SYNCRIP: variants seen among roughly 807,000 people sequenced by gnomAD.
SYNCRIP encodes synaptotagmin binding cytoplasmic RNA interacting protein.
A neutral mutation model predicts 68.9 loss-of-function variants in SYNCRIP; 9 were observed. That is an observed-to-expected ratio of 0.13 (90% confidence interval 0.08 to 0.23). SYNCRIP has a LOEUF of 0.23. Ranked by LOEUF, SYNCRIP falls within the 10% of genes least tolerant of loss-of-function variation. The pLI is 1.00. For synonymous variants in SYNCRIP, 258 were observed against 254.0 expected, an observed-to-expected ratio of 1.02 and a Z score of -0.15; for missense variants, 414 against 770.6, an observed-to-expected ratio of 0.54 and a Z score of 5.48.
At chr6:85,634,121 A>G (rs1317558653) in intron 6 of SYNCRIP, among the ~76,000 whole-genome samples, 1 of 152,180 alleles carries the variant, frequency 6.6e-6, no homozygotes, top group Non-Finnish European at 1.5e-5. Flanking sequence ...ATATTTAAAA[A>G]CTATATTAAT....
At chr6:85,622,152 TC>T (rs1237842826) in intron 8 of SYNCRIP, among the ~76,000 whole-genome samples, 1 of 151,952 alleles carries the variant, frequency 6.6e-6, no homozygotes, top group Non-Finnish European at 1.5e-5. Context: ...GGTAGGTGGA[TC>T]CCGAGGTCAG....
chr6:85,621,149 T>A (rs1172417786), intron 8 of SYNCRIP, among the ~76,000 whole-genome samples: 2 of 152,210 alleles, frequency 1.3e-5, no homozygotes, highest in East Asian at 3.8e-4. Flanking sequence ...GCTAACCCAA[T>A]GAGAATTTAT....
At chr6:85,634,385 C>T (rs531521828) in intron 6 of SYNCRIP, among the ~76,000 whole-genome samples, 12 of 152,068 alleles carry the variant, frequency 7.9e-5, no homozygotes, top group Non-Finnish European at 1.3e-4. Context: ...AGGTAACCTA[C>T]GATGTCAGTT....
intron 6 of SYNCRIP, among the ~76,000 whole-genome samples, chr6:85,627,383 C>T (rs1315758569): frequency 6.6e-6 from 1 of 151,474 alleles, no homozygotes; most frequent in Non-Finnish European, 1.5e-5. Context: ...ACTCTGGGTA[C>T]AACTATAACA....
At chr6:85,628,969 C>A (rs750668895) in intron 6 of SYNCRIP, among the ~76,000 whole-genome samples, 2 of 152,072 alleles carry the variant, frequency 1.3e-5, no homozygotes, top group African/African-American at 4.8e-5. Flanking sequence ...CCAAAATCTC[C>A]GATCTTTCTC....
Position 85,615,228 on chromosome 6 carries a change from T to C in SYNCRIP, c.1400A>G (p.Tyr467Cys). ...PPDYYGYEDY[Y>C]DYYGYDYHNY... is the part of the protein sequence containing the mutation. ...ATGGTAATCATAACCATAATAATCA[T>C]AATAATCTTCATATCCATAATAATC... The change falls in exon 11 of 11, where the codon TAT becomes TGT. Residue 467 changes from tyrosine (Y) to cysteine (C), a missense_variant. Tyr to Cys is a radical substitution (Grantham distance 194). Coordinates refer to ENST00000369622, the MANE Select transcript of SYNCRIP (RefSeq NM_006372.5). The C allele has an allele frequency of 6.2e-7, 1 of 1,609,124 alleles. No individual in the cohort carries two copies. Among genetic ancestry groups the C allele is most frequent in the Non-Finnish European group, 8.5e-7 (1 of 1,176,546 alleles).
At chr6:85,640,809 A>T (rs1279099687) in intron 2 of SYNCRIP, among the ~76,000 whole-genome samples, 1 of 152,124 alleles carries the variant, frequency 6.6e-6, no homozygotes, top group African/African-American at 2.4e-5. Context: ...AAGTCTGATA[A>T]CTCTGAACAC....
At chr6:85,612,801 CG>C, downstream of SYNCRIP, 1 of 1,486,688 alleles carries the variant, frequency 6.7e-7, no homozygotes, top group South Asian at 1.3e-5. Flanking sequence ...CCTATACAGC[CG>C]ACATATTTAA....
intron 8 of SYNCRIP, among the ~76,000 whole-genome samples, chr6:85,621,107 T>G (rs749848309): frequency 6.6e-6 from 1 of 152,236 alleles, no homozygotes. Context: ...CTAAAATAAC[T>G]TGAATACCAT....
rs1405963723 is a variant in SYNCRIP at position 85,614,641 on chromosome 6, TATAC to T, written c.*111_*114del. 1 of 1,398,662 alleles carries T rather than the reference TATAC, an allele frequency of 7.1e-7. No homozygotes were observed. The highest frequency in any genetic ancestry group is 9.3e-7 in the Non-Finnish European group (1 of 1,075,212). The allele number at this position is 1,398,662 out of a possible 1,614,324, so 86.6% of individuals were successfully genotyped here. ...CGTGTCCAAGCGGATTGTTAAAATATATACATAAAGGGAAATCTTGCCAGATGTC... is the reference window on the plus strand; with the variant it reads ...CGTGTCCAAGCGGATTGTTAAAATATATAAAGGGAAATCTTGCCAGATGTC... On this transcript the variant is annotated 3_prime_UTR_variant, in exon 11 of 11. Coordinates refer to ENST00000369622, the MANE Select transcript of SYNCRIP (RefSeq NM_006372.5).
rs1331959125 is a variant in SYNCRIP at position 85,631,263 on chromosome 6, C to G, written c.666+5704G>C. ...TGGCTGAGGCAGAACTGCTTGAACC[C>G]AGGAGGCAGAGGGTGCAGTGAGCTG... is the stretch of plus-strand genomic sequence containing the variant. On this transcript the variant is annotated intron_variant, in intron 6 of 10. Coordinates refer to ENST00000369622, the MANE Select transcript of SYNCRIP (RefSeq NM_006372.5). Among the ~76,000 whole-genome samples the G allele has an allele frequency of 4.7e-5, 7 of 147,470 alleles. No individual in the cohort carries two copies. The East Asian group carries it at 1.5e-3, about 32-fold the overall frequency.
At chr6:85,632,698 T>C (rs1031399382) in intron 6 of SYNCRIP, among the ~76,000 whole-genome samples, 3 of 152,044 alleles carry the variant, frequency 2.0e-5, no homozygotes, top group South Asian at 2.1e-4. Context: ...TCCCAGCAAT[T>C]TGGGAAGCCA....
intron 4 of SYNCRIP, among the ~76,000 whole-genome samples, chr6:85,638,380 CAAAAAAAA>C (rs71003001): frequency 9.6e-4 from 41 of 42,850 alleles, no homozygotes; most frequent in African/African-American, 2.7e-3. Flanking sequence ...GACCCCATCT[CAAAAAAAA>C]AAAAAAAAAA....
chr6:85,624,911 G>T (rs1431296272), intron 6 of SYNCRIP, among the ~76,000 whole-genome samples: 1 of 152,076 alleles, frequency 6.6e-6, no homozygotes, highest in Non-Finnish European at 1.5e-5. Context: ...CGGCAGCAGC[G>T]GCAATAATTA....
downstream of SYNCRIP, chr6:85,612,797 C>T: frequency 1.4e-6 from 2 of 1,472,470 alleles, no homozygotes; most frequent in Non-Finnish European, 9.2e-7. Flanking sequence ...TGCTCCTATA[C>T]AGCCGACATA....
Position 85,619,518 on chromosome 6 carries a change from A to G in SYNCRIP, c.1009-101T>C, listed in dbSNP as rs143038055. The stretch of plus-strand genomic sequence containing the variant: ...AAGTTAACTCAAATCACAATCCATT[A>G]GAAGAATGTCAGAATATAAAAAAAA... On this transcript the variant is annotated intron_variant, in intron 8 of 10. Coordinates refer to ENST00000369622, the MANE Select transcript of SYNCRIP (RefSeq NM_006372.5). 60 of 1,074,176 alleles carry G rather than the reference A, an allele frequency of 5.6e-5. No homozygotes were observed. The African/African-American group carries it at 8.7e-4, about 16-fold the overall frequency. The allele number at this position is 1,074,176 out of a possible 1,614,324, so 66.5% of individuals were successfully genotyped here. A position where few individuals can be genotyped will look rare whatever the true frequency, so the allele number is the denominator to read the frequency against.
Position 85,614,641 on chromosome 6 carries a change from T to C in SYNCRIP, c.*115A>G, listed in dbSNP as rs1055749175. On this transcript the variant is annotated 3_prime_UTR_variant, in exon 11 of 11. Transcript: ENST00000369622. ...CGTGTCCAAGCGGATTGTTAAAATA[T>C]ATACATAAAGGGAAATCTTGCCAGA... 7.2e-6 allele frequency: 10 copies of C among 1,398,544 alleles called. No individual in the cohort carries two copies. Among genetic ancestry groups the C allele is most frequent in the African/African-American group, 4.4e-5 (3 of 67,918 alleles). 86.6% of individuals were successfully genotyped at this position (1,398,544 alleles called of 1,614,324 possible).
At chr6:85,607,949 G>A (rs777879069), downstream of SYNCRIP, 9 of 152,014 alleles carry the variant, frequency 5.9e-5, no homozygotes, top group Non-Finnish European at 1.3e-4. Context: ...TGTCCTGATG[G>A]AAGTGGCCAA....
intron 6 of SYNCRIP, among the ~76,000 whole-genome samples, chr6:85,630,371 A>G (rs1221209774): frequency 6.6e-6 from 1 of 152,204 alleles, no homozygotes; most frequent in Non-Finnish European, 1.5e-5. Flanking sequence ...AAAAACAAAC[A>G]AACAAACAAA....
Sources: gnomAD v4.1 joint callset for allele counts (sites outside exome capture counted in the v4.1 genomes callset) on GRCh38, gnomAD v4.1.1 for gene constraint, MANE v1.5 for transcripts, NCBI Gene and HGNC (gene_info 2026-07-23, HGNC 2026-07-21) for gene names.